HCRTR2: variants seen among roughly 807,000 people sequenced by gnomAD.
The protein encoded by HCRTR2 is orexin receptor type 2.
A neutral mutation model predicts 49.0 loss-of-function variants in HCRTR2; 22 were observed. The ratio of observed to expected loss-of-function variants is 0.45; its 90% CI spans 0.32 to 0.64. HCRTR2 has a LOEUF of 0.64. Among genes scored for constraint, HCRTR2 ranks in the 30% least tolerant of loss-of-function variants. HCRTR2 has a pLI of 0.04. For missense variants in HCRTR2, 491 were observed against 559.4 expected (o/e 0.88, Z 1.23); for synonymous variants, 236 against 205.3 (o/e 1.15, Z -1.28).
chr6:55,138,984 G>C (rs1278991396), intron 1 of HCRTR2, among the ~76,000 whole-genome samples: 1 of 152,164 alleles, frequency 6.6e-6, no homozygotes, highest in Non-Finnish European at 1.5e-5. Context: ...TTGGTAGTAA[G>C]CAGAGACCTA....
intron 1 of HCRTR2, among the ~76,000 whole-genome samples, chr6:55,181,581 C>T (rs1765134874): frequency 6.6e-6 from 1 of 152,034 alleles, no homozygotes; most frequent in Admixed American, 6.5e-5. Context: ...AGATATTTGT[C>T]CATATTCTCT....
intron 1 of HCRTR2, among the ~76,000 whole-genome samples, chr6:55,245,469 T>TTATATATATATATATATA (rs745939954): frequency 1.6e-3 from 90 of 56,720 alleles, no homozygotes; most frequent in East Asian, 3.3e-3. Flanking sequence ...TAGGAAGATT[T>TTATATATATATATATATA]TATATATATA....
chr6:55,184,142 T>G (rs1296236178), intron 1 of HCRTR2, among the ~76,000 whole-genome samples: 1 of 152,246 alleles, frequency 6.6e-6, no homozygotes, highest in East Asian at 1.9e-4. Context: ...TTGCTCAGAC[T>G]GATCTTTAAC....
intron 4 of HCRTR2, among the ~76,000 whole-genome samples, chr6:55,267,700 C>A (rs552755587): frequency 8.3e-4 from 126 of 152,180 alleles, no homozygotes; most frequent in African/African-American, 2.9e-3. Flanking sequence ...CTTTTCAGGG[C>A]CTTTGAAAGA....
Position 55,260,154 on chromosome 6 carries a change from T to C in HCRTR2, c.647-3553T>C, listed in dbSNP as rs1372722656. On this transcript the variant is annotated intron_variant, in intron 3 of 6. Transcript: ENST00000370862. ...CGCCAAACTGTTATCACAGTGATGC[T>C]ATCCATAGCTGCAGTGGAAAAAATT... 3.3e-5 allele frequency among the ~76,000 whole-genome samples: 5 copies of C among 152,192 alleles called. No individual in the cohort carries two copies. In the East Asian group the frequency reaches 9.6e-4, roughly 29 times the overall value.
intron 1 of HCRTR2, among the ~76,000 whole-genome samples, chr6:55,199,744 C>A (rs1479789414): frequency 1.3e-5 from 2 of 151,406 alleles, no homozygotes; most frequent in Non-Finnish European, 2.9e-5. Flanking sequence ...TTAAAGCTGG[C>A]GAAAAAGGCT....
chr6:55,119,653 G>C (rs1300147392), intron 1 of HCRTR2, among the ~76,000 whole-genome samples: 3 of 131,410 alleles, frequency 2.3e-5, no homozygotes, highest in African/African-American at 8.7e-5. Flanking sequence ...TAATTTCTTT[G>C]TAGATTCTGG....
At chr6:55,225,450 C>A (rs1049563183) in intron 1 of HCRTR2, among the ~76,000 whole-genome samples, 1 of 151,970 alleles carries the variant, frequency 6.6e-6, no homozygotes, top group Non-Finnish European at 1.5e-5. Context: ...TTTCTCAGAC[C>A]ATATGGTGAT....
upstream of HCRTR2, chr6:55,174,151 C>T: frequency 9.2e-6 from 2 of 217,094 alleles, no homozygotes; most frequent in Non-Finnish European, 9.4e-6. Flanking sequence ...TAACTCTCAC[C>T]CCCCACCCCC....
intron 1 of HCRTR2, among the ~76,000 whole-genome samples, chr6:55,118,156 G>A (rs922363275): frequency 6.6e-6 from 1 of 151,756 alleles, no homozygotes; most frequent in African/African-American, 2.4e-5. Context: ...GTGGTATTTG[G>A]TTTTCTGTTC....
rs1463193992 is a variant in HCRTR2, at chr6:55,158,759, C to T, written c.-377-15452C>T. Reference sequence around the variant, plus strand: ...ATAGCCAGAATGCCTCTCTAGATTCCTCCTGTCTGGGCAGGGCTTCTCTGA... The same window carrying T: ...ATAGCCAGAATGCCTCTCTAGATTCTTCCTGTCTGGGCAGGGCTTCTCTGA... On this transcript the variant is annotated intron_variant, in intron 1 of 7. Transcript: ENST00000615358. Among the ~76,000 whole-genome samples, 3 of 152,352 alleles carry T rather than the reference C, an allele frequency of 2.0e-5. No individual in the cohort carries two copies. In the East Asian group the frequency reaches 5.8e-4, roughly 29 times the overall value.
At chr6:55,153,346 C>A (rs1448497097) in intron 1 of HCRTR2, among the ~76,000 whole-genome samples, 1 of 151,982 alleles carries the variant, frequency 6.6e-6, no homozygotes, top group African/African-American at 2.4e-5. Flanking sequence ...TTACTACACA[C>A]CTAGGCTATA....
chr6:55,216,762 A>G (rs769760328), intron 1 of HCRTR2, among the ~76,000 whole-genome samples: 3 of 152,144 alleles, frequency 2.0e-5, no homozygotes, highest in Non-Finnish European at 4.4e-5. Context: ...GGCACTGCAC[A>G]CTGCTGGTGT....
chr6:55,277,325 A>C (rs918661658), intron 4 of HCRTR2, 55 bp from the exon 5 acceptor site: 42 of 1,448,040 alleles, frequency 2.9e-5, no homozygotes, highest in Non-Finnish European at 4.1e-5. Context: ...TACTTCCCCA[A>C]AGTGGAACTT....
intron 1 of HCRTR2, among the ~76,000 whole-genome samples, chr6:55,203,958 A>G (rs1008910079): frequency 6.6e-6 from 1 of 152,148 alleles, no homozygotes; most frequent in Non-Finnish European, 1.5e-5. Flanking sequence ...TATATTTAAC[A>G]GGACTACTCT....
intron 1 of HCRTR2, among the ~76,000 whole-genome samples, chr6:55,186,313 A>G (rs1265175227): frequency 1.3e-5 from 2 of 152,182 alleles, no homozygotes; most frequent in Non-Finnish European, 2.9e-5. Flanking sequence ...TTTCTTCTAT[A>G]TAAATATTTA....
At chr6:55,146,353 G>C (rs929643295) in intron 1 of HCRTR2, among the ~76,000 whole-genome samples, 2 of 152,024 alleles carry the variant, frequency 1.3e-5, no homozygotes, top group Non-Finnish European at 2.9e-5. Flanking sequence ...AATGCCACAT[G>C]GTTATAGAAT....
At position 55,282,139 on chromosome 6, in the gene HCRTR2, A is replaced by G. The variant is rs557138016; in HGVS notation, c.1106-86A>G. On this transcript the variant is annotated intron_variant, in intron 6 of 6. Transcript: ENST00000370862. ...TACACCTCATTGTTAGTTTGGCTCA[A>G]GGGAGCAACTCAGTTGTACCCTATT... 4.2e-6 allele frequency: 4 copies of G among 950,720 alleles called. No homozygotes were observed. In the South Asian group the frequency reaches 5.6e-5, roughly 13 times the overall value. 58.9% of individuals were successfully genotyped at this position (950,720 alleles called of 1,614,324 possible). A position where few individuals can be genotyped will look rare whatever the true frequency, so the allele number is the denominator to read the frequency against.
chr6:55,230,733 C>T (rs1042259385), intron 1 of HCRTR2, among the ~76,000 whole-genome samples: 2 of 152,170 alleles, frequency 1.3e-5, no homozygotes, highest in South Asian at 2.1e-4. Context: ...CTTGAAACGT[C>T]GTCTTCCATA....
Sources: gnomAD v4.1 joint callset for allele counts (sites outside exome capture counted in the v4.1 genomes callset) on GRCh38, gnomAD v4.1.1 for gene constraint, MANE v1.5 for transcripts, NCBI Gene and HGNC (gene_info 2026-07-23, HGNC 2026-07-21) for gene names.